The following TBXAS1 variants were observed in gnomAD, a reference collection of about 807,000 sequenced individuals.
TBXAS1 encodes the protein thromboxane A synthase 1.
A neutral mutation model predicts 60.7 loss-of-function variants in TBXAS1; 48 were observed. The observed-to-expected ratio is 0.79, with a 90% confidence interval of 0.63 to 1.01. The LOEUF (loss-of-function observed/expected upper bound fraction) is 1.01, where lower values mean the gene tolerates loss of function less well. TBXAS1 is among the 50% of genes least tolerant of loss of function. The probability of loss-of-function intolerance (pLI) is 0.00; values close to 1 mark genes in which losing one functional copy is unlikely to be tolerated. For missense variants in TBXAS1, 685 were observed against 686.3 expected (o/e 1.00, Z 0.02); for synonymous variants, 287 against 269.7 (o/e 1.06, Z -0.63).
Position 139,865,841 on chromosome 7 carries a change from GAAGA to G in TBXAS1, c.90-6392_90-6389del, listed in dbSNP as rs1292373006. Among the ~76,000 whole-genome samples, 9 of 98,140 alleles carry G rather than the reference GAAGA, an allele frequency of 9.2e-5. 1 individual carries two copies. Among genetic ancestry groups the G allele is most frequent in the African/African-American group, 3.7e-4 (9 of 24,118 alleles). 64.4% of individuals were successfully genotyped at this position (98,140 alleles called of 152,430 possible). The stretch of plus-strand genomic sequence containing the variant: ...GGAGGGAGGGAGGGAGGGGGGAAAG[GAAGA>G]AGGAAGGAGGGAGGGAGGAAGGAAG... On this transcript the variant is annotated intron_variant, in intron 1 of 12. Coordinates refer to ENST00000448866, the MANE Select transcript of TBXAS1 (RefSeq NM_001061.7).
At chr7:139,923,776 C>T (rs1001526286) in intron 4 of TBXAS1, among the ~76,000 whole-genome samples, 2 of 152,078 alleles carry the variant, frequency 1.3e-5, no homozygotes, top group Non-Finnish European at 1.5e-5. Context: ...TAACCATCCC[C>T]ACCTCCCTCG....
At chr7:139,805,704 TTCTTTCTTTC>T (rs1206019763) in intron 4 of TBXAS1, among the ~76,000 whole-genome samples, 67 of 32,850 alleles carry the variant, frequency 2.0e-3, no homozygotes, top group Admixed American at 0.013. Context: ...CTTTCTTTCT[TTCTTTCTTTC>T]TCTCTCTCTC....
intron 2 of TBXAS1, among the ~76,000 whole-genome samples, chr7:139,874,507 A>G (rs1255157581): frequency 6.6e-6 from 1 of 152,166 alleles, no homozygotes; most frequent in East Asian, 1.9e-4. Flanking sequence ...TTTTATATTC[A>G]TATATACTTT....
chr7:140,019,957 C>T, intron 12 of TBXAS1, 68 bp from the exon 13 acceptor site: 1 of 1,508,166 alleles, frequency 6.6e-7, no homozygotes, highest in Non-Finnish European at 9.2e-7. Flanking sequence ...CTTGAACCTC[C>T]AAGTCTTCAT....
At chr7:139,848,066 C>T (rs1799938733) in intron 1 of TBXAS1, among the ~76,000 whole-genome samples, 1 of 152,110 alleles carries the variant, frequency 6.6e-6, no homozygotes, top group Non-Finnish European at 1.5e-5. Flanking sequence ...AGTGACCCTC[C>T]TACCTCAGCC....
chr7:139,982,066 A>G (rs899704464), intron 9 of TBXAS1, among the ~76,000 whole-genome samples: 32 of 152,170 alleles, frequency 2.1e-4, no homozygotes, highest in African/African-American at 7.7e-4. Context: ...TTATTTGTTT[A>G]TGAGTTACTT....
At chr7:139,890,207 C>CTTTTTTTTTTT (rs57305084) in intron 3 of TBXAS1, among the ~76,000 whole-genome samples, 1 of 85,602 alleles carries the variant, frequency 1.2e-5, no homozygotes, top group African/African-American at 4.7e-5. Context: ...AGGATGCAGT[C>CTTTTTTTTTTT]TTTTTTTTTT....
At chr7:139,924,014 A>G (rs1483439965) in intron 4 of TBXAS1, among the ~76,000 whole-genome samples, 1 of 152,142 alleles carries the variant, frequency 6.6e-6, no homozygotes, top group Non-Finnish European at 1.5e-5. Flanking sequence ...CATTGTATAT[A>G]TGTACCACGT....
chr7:139,867,813 C>A (rs1278804378), intron 1 of TBXAS1, among the ~76,000 whole-genome samples: 1 of 144,934 alleles, frequency 6.9e-6, no homozygotes, highest in African/African-American at 2.6e-5. Context: ...TGAGACTCTG[C>A]CTCGAAAATA....
rs1244115321 is a variant in TBXAS1, at chr7:140,013,655, C to T, written c.1227-2068C>T. ...CAAGCTGGGGGACTGGAAGGTGGTT[C>T]AGATTGTTCACAAGCTGCAGTGGCT... On this transcript the variant is annotated intron_variant, in intron 10 of 12. Transcript: ENST00000448866. The surrounding 1 kb of genome is among the most constrained non-coding windows in gnomAD (Gnocchi z 4.2). 6.6e-6 allele frequency among the ~76,000 whole-genome samples: 1 copy of T among 152,140 alleles called. No homozygotes were observed. Among genetic ancestry groups the T allele is most frequent in the Admixed American group, 6.6e-5 (1 of 15,256 alleles).
At chr7:139,982,547 A>G (rs1442937057) in intron 9 of TBXAS1, among the ~76,000 whole-genome samples, 1 of 152,214 alleles carries the variant, frequency 6.6e-6, no homozygotes, top group Non-Finnish European at 1.5e-5. Flanking sequence ...CAATCTCATC[A>G]TAAGAAATAT....
intron 9 of TBXAS1, among the ~76,000 whole-genome samples, chr7:139,968,640 C>A (rs1383719327): frequency 6.6e-6 from 1 of 152,198 alleles, no homozygotes; most frequent in Non-Finnish European, 1.5e-5. Flanking sequence ...TCTTTCTGGG[C>A]CACATGTGTT....
chr7:139,936,084 T>A (rs1807741659), intron 4 of TBXAS1, 107 bp from the exon 5 acceptor site: 2 of 966,608 alleles, frequency 2.1e-6, no homozygotes, highest in South Asian at 2.6e-5. Flanking sequence ...TCCTAACTTG[T>A]TGGCCACTGA....
chr7:139,836,817 A>C (rs1017930438), intron 1 of TBXAS1, among the ~76,000 whole-genome samples: 1 of 152,212 alleles, frequency 6.6e-6, no homozygotes, highest in Non-Finnish European at 1.5e-5. Flanking sequence ...AAGAGCCGGG[A>C]CCTAATTAAA....
At chr7:139,994,897 G>A (rs138796890) in intron 9 of TBXAS1, among the ~76,000 whole-genome samples, 37 of 152,316 alleles carry the variant, frequency 2.4e-4, no homozygotes, top group Middle Eastern at 6.8e-3. Context: ...CCTCCCTTGC[G>A]GGCATCCCAC....
chr7:139,908,111 G>A lies in TBXAS1; in HGVS notation c.237-3114G>A, dbSNP rs997778591. On this transcript the variant is annotated intron_variant, in intron 3 of 12. Coordinates refer to ENST00000448866, the MANE Select transcript of TBXAS1 (RefSeq NM_001061.7). Reference sequence around the variant, plus strand: ...ATATTTTCCAAAGAACCAGTTTTTCGTTCATCAGTTTTTCTGTGGTTTTTG... The same window carrying A: ...ATATTTTCCAAAGAACCAGTTTTTCATTCATCAGTTTTTCTGTGGTTTTTG... Among the ~76,000 whole-genome samples, 10 of 150,892 alleles carry A rather than the reference G, an allele frequency of 6.6e-5. No homozygotes were observed. The East Asian group carries it at 1.2e-3, about 18-fold the overall frequency.
chr7:139,980,198 G>C (rs1811865324), intron 9 of TBXAS1, among the ~76,000 whole-genome samples: 1 of 152,056 alleles, frequency 6.6e-6, no homozygotes, highest in Admixed American at 6.5e-5. Flanking sequence ...GCATCTAAAT[G>C]GTATCCTGTT....
At chr7:139,956,647 G>C (rs922903550) in intron 7 of TBXAS1, among the ~76,000 whole-genome samples, 1 of 152,230 alleles carries the variant, frequency 6.6e-6, no homozygotes, top group Non-Finnish European at 1.5e-5. Flanking sequence ...ATGGGAGCCC[G>C]TCACCTCACT....
At chr7:139,848,779 AG>A (rs1800000624) in intron 1 of TBXAS1, among the ~76,000 whole-genome samples, 1 of 152,210 alleles carries the variant, frequency 6.6e-6, no homozygotes, top group Non-Finnish European at 1.5e-5. Flanking sequence ...TTAATGGGGC[AG>A]GGAAGAAGAC....
Sources: allele counts gnomAD v4.1 joint callset (sites outside exome capture counted in the v4.1 genomes callset), GRCh38; gene constraint gnomAD v4.1.1; non-coding constraint Gnocchi (gnomAD v3.1); transcripts MANE v1.5; gene names NCBI Gene and HGNC (gene_info 2026-07-23, HGNC 2026-07-21).